The following ATG7 variants were observed in gnomAD, a reference collection of about 807,000 sequenced individuals.
ATG7 encodes ubiquitin-like modifier-activating enzyme ATG7.
In ATG7, 70 loss-of-function variants were observed where a neutral mutation model predicts 82.4. The ratio of observed to expected loss-of-function variants is 0.85; its 90% CI spans 0.70 to 1.04. The LOEUF is 1.04. Ranked by LOEUF, ATG7 falls within the 50% of genes least tolerant of loss-of-function variation. The pLI is 0.00. For missense variants in ATG7, 792 were observed against 864.3 expected (o/e 0.92, Z 1.05); for synonymous variants, 287 against 313.0 (o/e 0.92, Z 0.88).
At chr3:11,396,408 C>T (rs2152884576) in intron 19 of ATG7, among the ~76,000 whole-genome samples, 1 of 152,102 alleles carries the variant, frequency 6.6e-6, no homozygotes, top group East Asian at 1.9e-4. Context: ...CCCTGTACCC[C>T]AGCCTGAGCA....
At chr3:11,478,860 C>T (rs2088569405) in intron 20 of ATG7, among the ~76,000 whole-genome samples, 1 of 152,048 alleles carries the variant, frequency 6.6e-6, no homozygotes, top group Non-Finnish European at 1.5e-5. Context: ...TATTAACATG[C>T]ATTTATTATT....
intron 19 of ATG7, among the ~76,000 whole-genome samples, chr3:11,416,968 C>T (rs1004505321): frequency 2.0e-5 from 3 of 152,020 alleles, no homozygotes; most frequent in Admixed American, 1.3e-4. Context: ...TATTGTTCAA[C>T]CTTACATATA....
At position 11,315,491 on chromosome 3, in the gene ATG7, AAGGTC is replaced by A. The variant is rs778078870; in HGVS notation, c.678+1_678+5del. The stretch of plus-strand genomic sequence containing the variant: ...TGATTTCTTCCAAGGTCAAAGGACG[AAGGTC>A]AGATAAACTTTGAGTATCATTTTAT... On this transcript the variant is annotated splice_donor_variant and splice_donor_region_variant and coding_sequence_variant and intron_variant, in exon 9 of 21. Transcript: ENST00000693202. LOFTEE classifies it high-confidence loss of function. 6 of 1,582,916 alleles carry A rather than the reference AAGGTC, an allele frequency of 3.8e-6. No individual in the cohort carries two copies. In the African/African-American group the frequency reaches 6.8e-5, roughly 18 times the overall value.
At chr3:11,418,285 T>TC (rs2081590786) in intron 19 of ATG7, among the ~76,000 whole-genome samples, 1 of 147,508 alleles carries the variant, frequency 6.8e-6, no homozygotes, top group Non-Finnish European at 1.5e-5. Context: ...TTTTTTTTTT[T>TC]ATATTTTGTA....
At chr3:11,297,701 G>A (rs1433009036) in intron 3 of ATG7, among the ~76,000 whole-genome samples, 1 of 152,160 alleles carries the variant, frequency 6.6e-6, no homozygotes, top group African/African-American at 2.4e-5. Context: ...AAGAAATTTA[G>A]GCACTGTGGG....
chr3:11,501,688 G>A (rs1161952301), intron 20 of ATG7, among the ~76,000 whole-genome samples: 1 of 152,030 alleles, frequency 6.6e-6, no homozygotes, highest in African/African-American at 2.4e-5. Flanking sequence ...CATGATGTCT[G>A]CAATATACTT....
intron 20 of ATG7, among the ~76,000 whole-genome samples, chr3:11,484,356 T>C (rs1302786411): frequency 6.6e-6 from 1 of 152,292 alleles, no homozygotes; most frequent in South Asian, 2.1e-4. Context: ...ATCATGCCAC[T>C]GTACTCTAGC....
chr3:11,527,065 GTGTGTGTATATA>G (rs769710861), intron 20 of ATG7, among the ~76,000 whole-genome samples: 163 of 97,478 alleles, frequency 1.7e-3, no homozygotes, highest in African/African-American at 2.5e-3. Context: ...GTGTGTGTGT[GTGTGTGTATATA>G]TATATATATA....
chr3:11,500,369 A>G (rs1193047990), intron 20 of ATG7, among the ~76,000 whole-genome samples: 1 of 152,220 alleles, frequency 6.6e-6, no homozygotes, highest in Non-Finnish European at 1.5e-5. Flanking sequence ...AATTGATCAT[A>G]TCGAGTAGGA....
At chr3:11,423,768 T>C (rs748140891) in intron 19 of ATG7, among the ~76,000 whole-genome samples, 17 of 152,118 alleles carry the variant, frequency 1.1e-4, no homozygotes, top group Non-Finnish European at 2.2e-4. Context: ...GGTCTTTTCT[T>C]ACCAGCCAGG....
chr3:11,525,951 G>A (rs966247545), intron 20 of ATG7, among the ~76,000 whole-genome samples: 3 of 152,092 alleles, frequency 2.0e-5, no homozygotes, highest in Admixed American at 6.5e-5. Flanking sequence ...TCTCTCACAG[G>A]ATTATTTTGA....
chr3:11,363,213 GCA>G, intron 17 of ATG7: 1 of 226,952 alleles, frequency 4.4e-6, no homozygotes, highest in Non-Finnish European at 8.6e-6. Context: ...ACTGTTCTAA[GCA>G]CCTTAGAAAT....
intron 20 of ATG7, among the ~76,000 whole-genome samples, chr3:11,492,577 G>A (rs1034622482): frequency 3.3e-4 from 50 of 152,220 alleles, no homozygotes; most frequent in Non-Finnish European, 6.3e-4. Context: ...AACTCCTCGC[G>A]GGAGGGAGCA....
chr3:11,381,175 C>T (rs911771029), intron 19 of ATG7, among the ~76,000 whole-genome samples: 1 of 152,192 alleles, frequency 6.6e-6, no homozygotes, highest in Non-Finnish European at 1.5e-5. Flanking sequence ...ACCCATGAGC[C>T]CATTCTTTCT....
At position 11,358,544 on chromosome 3, in the gene ATG7, G is replaced by A. The variant is rs767392709; in HGVS notation, c.1411G>A (p.Val471Ile). Residue 471 changes from valine to isoleucine, a missense_variant, in exon 15 of 21, where the codon GTC (valine) becomes ATC (isoleucine). By Grantham distance (29) the Val-to-Ile change is conservative. Coordinates refer to ENST00000693202, the MANE Select transcript of ATG7 (RefSeq NM_001349232.2). ...GCAGCTCATCGAAAGCCATGATGTC[G>A]TCTTCCTATTGATGGACACCAGGGA... ...LEQLIESHDVVFLLMDTRESR... is the reference protein window; with the variant it reads ...LEQLIESHDVIFLLMDTRESR... The A allele has an allele frequency of 1.6e-5, 26 of 1,613,970 alleles. No homozygotes were observed. Among genetic ancestry groups the A allele is most frequent in the South Asian group, 1.5e-4 (14 of 91,078 alleles).
At chr3:11,277,692 G>A (rs1190357819) in intron 1 of ATG7, among the ~76,000 whole-genome samples, 1 of 152,210 alleles carries the variant, frequency 6.6e-6, no homozygotes, top group Non-Finnish European at 1.5e-5. Flanking sequence ...TCTATGTTCA[G>A]CAGTGTATGT....
Position 11,557,323 on chromosome 3 carries a change from C to T in ATG7, c.*2480C>T, listed in dbSNP as rs1024722664. On this transcript the variant is annotated 3_prime_UTR_variant, in exon 21 of 21. Transcript: ENST00000693202. Reference sequence around the variant, plus strand: ...GCGTACGAGGAAGCGTATAAAACACCATATCACAGATTGTCTGTCAGTAAT... The same window carrying T: ...GCGTACGAGGAAGCGTATAAAACACTATATCACAGATTGTCTGTCAGTAAT... 10 of 147,406 alleles carry T rather than the reference C, an allele frequency of 6.8e-5. No individual in the cohort carries two copies. The highest frequency in any genetic ancestry group is 2.8e-4 in the African/African-American group (10 of 36,346). 9.1% of individuals were successfully genotyped at this position (147,406 alleles called of 1,614,324 possible).
chr3:11,559,229 T>C (rs371860284), downstream of ATG7: 59 of 1,434,378 alleles, frequency 4.1e-5, no homozygotes, highest in East Asian at 2.8e-4. Flanking sequence ...ACCTCAGCAA[T>C]AGATGGGCTC....
rs570628693 is a variant in ATG7 at position 11,397,821 on chromosome 3, A to G, written c.1956+17769A>G. 1.8e-4 allele frequency among the ~76,000 whole-genome samples: 27 copies of G among 146,178 alleles called. No individual in the cohort carries two copies. The South Asian group carries it at 4.7e-3, about 26-fold the overall frequency. ...GAATCGGCTGGGCGCGGTGGCTCAC[A>G]CCTGTAATCCCGGCACTCTGGGAGC... On this transcript the variant is annotated intron_variant, in intron 19 of 20. Transcript: ENST00000693202.
Sources: gnomAD v4.1 joint callset for allele counts (sites outside exome capture counted in the v4.1 genomes callset) on GRCh38, gnomAD v4.1.1 for gene constraint, MANE v1.5 for transcripts, NCBI Gene and HGNC (gene_info 2026-07-23, HGNC 2026-07-21) for gene names.